Variants in P2RY8 observed in about 807,000 individuals in gnomAD.
P2RY8 encodes P2Y receptor family member 8.
In P2RY8, 6 loss-of-function variants were observed where a neutral mutation model predicts 10.0. The ratio of observed to expected loss-of-function variants is 0.60; its 90% CI spans 0.33 to 1.19. The LOEUF (loss-of-function observed/expected upper bound fraction) is 1.19. P2RY8 is among the 50% of genes most tolerant of loss of function. The pLI is 0.04. For missense variants in P2RY8, 456 were observed against 542.0 expected, an observed-to-expected ratio of 0.84 and a Z score of 1.58; for synonymous variants, 276 against 252.5, an observed-to-expected ratio of 1.09 and a Z score of -0.88.
At position 1,520,448 on chromosome X, in the gene P2RY8, T is replaced by C. The variant is rs142856264; in HGVS notation, c.-25+16473A>G. 4.6e-3 allele frequency among the ~76,000 whole-genome samples: 699 copies of C among 151,676 alleles called. 10 individuals are homozygous for C. The highest frequency in any genetic ancestry group is 0.016 in the African/African-American group (677 of 41,318). On this transcript the variant is annotated intron_variant, in intron 1 of 1. Transcript: ENST00000381297. ...ATAATCTCTCTGGTCCCCAATATTC[T>C]CTCTGGTCCCCAATCATCTTCTTAG... is the stretch of plus-strand genomic sequence containing the variant.
At chrX:1,468,176 A>C (rs1201777458) in intron 1 of P2RY8, among the ~76,000 whole-genome samples, 1 of 152,188 alleles carries the variant, frequency 6.6e-6, no homozygotes, top group Non-Finnish European at 1.5e-5. Flanking sequence ...GGCCTCAAGC[A>C]ATCCTCCTGC....
chrX:1,512,168 C>T (rs1168777747), intron 1 of P2RY8, among the ~76,000 whole-genome samples: 1 of 152,116 alleles, frequency 6.6e-6, no homozygotes, highest in African/African-American at 2.4e-5. Context: ...AACAGAAATT[C>T]ATCATCTCCC....
chrX:1,488,733 G>GGTGTGTGTGTGT (rs771296428), intron 1 of P2RY8, among the ~76,000 whole-genome samples: 14 of 147,530 alleles, frequency 9.5e-5, no homozygotes, highest in South Asian at 2.2e-4. Flanking sequence ...GTAAATGCAG[G>GGTGTGTGTGTGT]GTGTGTGTGT....
chrX:1,486,011 G>A (rs1217229838), intron 1 of P2RY8, among the ~76,000 whole-genome samples: 1 of 152,138 alleles, frequency 6.6e-6, no homozygotes, highest in African/African-American at 2.4e-5. Flanking sequence ...CTGAGGCCAG[G>A]AGTTCAAGAC....
chrX:1,498,275 G>A (rs1271947795), intron 1 of P2RY8, among the ~76,000 whole-genome samples: 14 of 151,206 alleles, frequency 9.3e-5, no homozygotes, highest in Admixed American at 4.6e-4. Context: ...GTGTGGTGGC[G>A]GGTGCCTGTA....
intron 1 of P2RY8, among the ~76,000 whole-genome samples, chrX:1,506,791 C>T (rs1394771387): frequency 6.6e-6 from 1 of 151,894 alleles, no homozygotes; most frequent in Non-Finnish European, 1.5e-5. Flanking sequence ...GATTCTTCTG[C>T]CTCAGCCTCC....
Position 1,463,452 on chromosome X carries a change from C to T in P2RY8, c.*2027G>A, listed in dbSNP as rs1429374428. Reference sequence around the variant, plus strand: ...TTGTGGCCGCATCACTCCAGTCTGCCTCTGTCTCCACGTGTCCTCCTGCTC... The same window carrying T: ...TTGTGGCCGCATCACTCCAGTCTGCTTCTGTCTCCACGTGTCCTCCTGCTC... On this transcript the variant is annotated 3_prime_UTR_variant, in exon 2 of 2. Transcript: ENST00000381297. The T allele has an allele frequency of 8.8e-6, 2 of 226,010 alleles. No homozygotes were observed. Among genetic ancestry groups the T allele is most frequent in the African/African-American group, 4.5e-5 (2 of 44,466 alleles). 14.0% of individuals were successfully genotyped at this position (226,010 alleles called of 1,614,324 possible).
Position 1,475,271 on chromosome X carries a change from A to G in P2RY8, c.-24-8689T>C, listed in dbSNP as rs763303574. On this transcript the variant is annotated intron_variant, in intron 1 of 1. Coordinates refer to ENST00000381297, the MANE Select transcript of P2RY8 (RefSeq NM_178129.5). ...GGTGGATGGATGGGTGGATGGATGGATGAGTGGGTAGATGGGTGGGTGGGT... is the reference window on the plus strand; with the variant it reads ...GGTGGATGGATGGGTGGATGGATGGGTGAGTGGGTAGATGGGTGGGTGGGT... Among the ~76,000 whole-genome samples the G allele has an allele frequency of 3.4e-5, 5 of 145,160 alleles. No homozygotes were observed. In the South Asian group the frequency reaches 1.2e-3, roughly 35 times the overall value.
chrX:1,478,162 A>G (rs1171908150), intron 1 of P2RY8, among the ~76,000 whole-genome samples: 1 of 152,014 alleles, frequency 6.6e-6, no homozygotes, highest in African/African-American at 2.4e-5. Flanking sequence ...GGAACCTTCC[A>G]TTGGTATCTC....
At chrX:1,467,595 T>A (rs1257700736) in intron 1 of P2RY8, among the ~76,000 whole-genome samples, 4 of 152,232 alleles carry the variant, frequency 2.6e-5, no homozygotes, top group Admixed American at 1.3e-4. Flanking sequence ...GATGAAAAAG[T>A]GTCTGTCAAA....
chrX:1,494,183 G>C (rs1360809565), intron 1 of P2RY8: 2 of 152,254 alleles, frequency 1.3e-5, no homozygotes, highest in African/African-American at 4.8e-5. Flanking sequence ...GGGGGTCCTG[G>C]GGGACCCTCC....
intron 1 of P2RY8, among the ~76,000 whole-genome samples, chrX:1,502,236 C>T (rs2092188308): frequency 6.6e-6 from 1 of 152,098 alleles, no homozygotes; most frequent in African/African-American, 2.4e-5. Flanking sequence ...GAAATAAAGT[C>T]CTGTCTAGGT....
rs182461235 is a variant in P2RY8 at position 1,475,172 on chromosome X, T to C, written c.-24-8590A>G. Among the ~76,000 whole-genome samples, 90 of 149,048 alleles carry C rather than the reference T, an allele frequency of 6.0e-4. 2 individuals are homozygous for C. In the East Asian group the frequency reaches 0.015, roughly 25 times the overall value. On this transcript the variant is annotated intron_variant, in intron 1 of 1. Coordinates refer to ENST00000381297, the MANE Select transcript of P2RY8 (RefSeq NM_178129.5). ...GTGGCTGGATTTATGGGTGGATGAA[T>C]GGATGGGTTGATGGGTAGATGGATG...
At chrX:1,526,768 T>C (rs769641739) in intron 1 of P2RY8, among the ~76,000 whole-genome samples, 1 of 152,354 alleles carries the variant, frequency 6.6e-6, no homozygotes, top group African/African-American at 2.4e-5. Flanking sequence ...TACTCATCCA[T>C]CCATTAATTC....
intron 1 of P2RY8, among the ~76,000 whole-genome samples, chrX:1,527,164 G>A (rs1157451856): frequency 6.6e-6 from 1 of 152,048 alleles, no homozygotes; most frequent in Non-Finnish European, 1.5e-5. Context: ...CAAAGTGCTG[G>A]GATTACAGGC....
intron 1 of P2RY8, among the ~76,000 whole-genome samples, chrX:1,488,313 A>C (rs1251508462): frequency 1.3e-5 from 2 of 152,168 alleles, no homozygotes; most frequent in Non-Finnish European, 2.9e-5. Context: ...ACTACTACTC[A>C]AAGGCTGGGG....
At chrX:1,499,966 C>T (rs5989771) in intron 1 of P2RY8, among the ~76,000 whole-genome samples, 1 of 137,538 alleles carries the variant, frequency 7.3e-6, no homozygotes, top group Non-Finnish European at 1.6e-5. Context: ...TCCCGCCATT[C>T]TCCTGCCTCA....
At chrX:1,527,824 T>G (rs1292637877) in intron 1 of P2RY8, among the ~76,000 whole-genome samples, 1 of 152,230 alleles carries the variant, frequency 6.6e-6, no homozygotes, top group Non-Finnish European at 1.5e-5. Context: ...ATTCATTCAT[T>G]TATTCATTCA....
chrX:1,507,514 G>A (rs1199908171), intron 1 of P2RY8, among the ~76,000 whole-genome samples: 4 of 152,124 alleles, frequency 2.6e-5, no homozygotes, highest in African/African-American at 9.7e-5. Context: ...GGTGACCGCC[G>A]ACGGTGGTTC....
Sources: gnomAD v4.1 joint callset for allele counts (sites outside exome capture counted in the v4.1 genomes callset) on GRCh38, gnomAD v4.1.1 for gene constraint, MANE v1.5 for transcripts, NCBI Gene and HGNC (gene_info 2026-07-23, HGNC 2026-07-21) for gene names.